Variants in MARK3 observed in about 807,000 individuals in gnomAD.
MARK3 encodes MAP/microtubule affinity-regulating kinase 3.
In MARK3, 46 loss-of-function variants were observed where a neutral mutation model predicts 90.1. The ratio of observed to expected loss-of-function variants is 0.51; its 90% CI spans 0.40 to 0.65. MARK3 has a LOEUF of 0.65. Ranked by LOEUF, MARK3 falls within the 30% of genes least tolerant of loss-of-function variation. MARK3 has a pLI of 0.00. For synonymous variants in MARK3, 321 were observed against 332.6 expected (o/e 0.97, Z 0.38); for missense variants, 818 against 947.2 (o/e 0.86, Z 1.79).
At chr14:103,399,655 C>T (rs926375765) in intron 1 of MARK3, among the ~76,000 whole-genome samples, 4 of 145,970 alleles carry the variant, frequency 2.7e-5, no homozygotes, top group South Asian at 4.4e-4. Flanking sequence ...ATCGAGATGG[C>T]GCCACTGCAC....
chr14:103,501,629 C>G (rs1203736248), intron 17 of MARK3, among the ~76,000 whole-genome samples: 2 of 152,088 alleles, frequency 1.3e-5, no homozygotes, highest in African/African-American at 2.4e-5. Context: ...CACCCCCACC[C>G]GTGCTGTTTC....
intron 6 of MARK3, among the ~76,000 whole-genome samples, chr14:103,462,163 A>G (rs1046512397): frequency 1.3e-5 from 2 of 152,188 alleles, no homozygotes; most frequent in Admixed American, 6.5e-5. Context: ...ATAGGGTCCA[A>G]AAAGAGACTT....
intron 6 of MARK3, among the ~76,000 whole-genome samples, chr14:103,459,595 G>A (rs1231326117): frequency 6.6e-6 from 1 of 151,990 alleles, no homozygotes; most frequent in African/African-American, 2.4e-5. Context: ...CGCCTCCCAG[G>A]TTCAAGCAAT....
chr14:103,412,329 C>T, intron 2 of MARK3: 1 of 629,674 alleles, frequency 1.6e-6, no homozygotes, highest in Non-Finnish European at 2.8e-6. Flanking sequence ...GCCTCATCCA[C>T]TTTGGCCACC....
intron 17 of MARK3, among the ~76,000 whole-genome samples, chr14:103,502,404 C>G (rs1455930004): frequency 6.6e-6 from 1 of 152,236 alleles, no homozygotes; most frequent in Non-Finnish European, 1.5e-5. Flanking sequence ...CAATTTTAGA[C>G]TGCGGATGTT....
intron 2 of MARK3, among the ~76,000 whole-genome samples, chr14:103,408,401 C>G (rs2091441090): frequency 6.6e-6 from 1 of 152,146 alleles, no homozygotes; most frequent in Non-Finnish European, 1.5e-5. Flanking sequence ...GTTGGCCAGG[C>G]TGGTCTCGAA....
At chr14:103,486,204 C>T (rs983968931) in intron 14 of MARK3, among the ~76,000 whole-genome samples, 5 of 152,146 alleles carry the variant, frequency 3.3e-5, no homozygotes, top group African/African-American at 9.6e-5. Flanking sequence ...TTTGGGAGGC[C>T]GAGGCAAGTG....
intron 1 of MARK3, among the ~76,000 whole-genome samples, chr14:103,392,819 T>TA (rs398044064): frequency 5.1e-4 from 78 of 151,476 alleles, no homozygotes; most frequent in Admixed American, 1.8e-3. Flanking sequence ...TTTTTTTTTT[T>TA]AAATTTCCTG....
chr14:103,474,716 A>G (rs1490039015), intron 12 of MARK3, among the ~76,000 whole-genome samples: 1 of 152,184 alleles, frequency 6.6e-6, no homozygotes, highest in East Asian at 1.9e-4. Flanking sequence ...TCTATGCAGT[A>G]CCACCACCTT....
chr14:103,481,757 CTTTTTTTTTTTTTTTTTT>C (rs71126030), intron 14 of MARK3, among the ~76,000 whole-genome samples: 1 of 49,778 alleles, frequency 2.0e-5, no homozygotes, highest in East Asian at 7.5e-4. Flanking sequence ...ATAGGTATTT[CTTTTTTTTTTTTTTTTTT>C]TTTTTTTTTG....
At chr14:103,453,741 C>T (rs2093209398) in intron 5 of MARK3, among the ~76,000 whole-genome samples, 1 of 152,230 alleles carries the variant, frequency 6.6e-6, no homozygotes, top group Non-Finnish European at 1.5e-5. Context: ...TCATAGCCCT[C>T]ACGTTGTACA....
At chr14:103,459,907 C>T (rs74831855) in intron 6 of MARK3, among the ~76,000 whole-genome samples, 9,022 of 151,548 alleles carry the variant, frequency 0.06, 414 homozygotes, top group African/African-American at 0.12. Flanking sequence ...GAAGGTATGC[C>T]ACACACAAAG....
chr14:103,480,529 C>A, intron 14 of MARK3, 39 bp downstream of exon 14: 1 of 1,300,120 alleles, frequency 7.7e-7, no homozygotes, highest in Non-Finnish European at 1.1e-6. Flanking sequence ...AGTTGTTTTT[C>A]CCAAGAGAAA....
At chr14:103,454,917 C>T (rs879563024) in intron 5 of MARK3, among the ~76,000 whole-genome samples, 2 of 152,126 alleles carry the variant, frequency 1.3e-5, no homozygotes, top group Non-Finnish European at 2.9e-5. Flanking sequence ...GGCAGGAGAG[C>T]CACTCTTTGC....
chr14:103,460,073 C>CTTTTTTTTTTGTTTTT (rs2093365224), intron 6 of MARK3, among the ~76,000 whole-genome samples: 1 of 41,704 alleles, frequency 2.4e-5, no homozygotes, highest in Non-Finnish European at 3.9e-5. Flanking sequence ...CCAGCTCCAT[C>CTTTTTTTTTTGTTTTT]TTTTTTTTTT....
chr14:103,484,632 A>G (rs1347767620), intron 14 of MARK3, among the ~76,000 whole-genome samples: 3 of 152,248 alleles, frequency 2.0e-5, no homozygotes. Flanking sequence ...TGGACTACAT[A>G]TAAAAGTTGC....
rs71126026 is a variant in MARK3 at position 103,452,471 on chromosome 14, C to CTTTTTT, written c.412+501_412+506dup. 4.6e-3 allele frequency among the ~76,000 whole-genome samples: 447 copies of CTTTTTT among 97,458 alleles called. 61 individuals carry two copies. Among genetic ancestry groups the CTTTTTT allele is most frequent in the Non-Finnish European group, 7.3e-3 (326 of 44,448 alleles). The allele number at this position is 97,458 out of a possible 152,430, so 63.9% of individuals were successfully genotyped here. ...ACAAGTGGAATTTTACAGGATTTGT[C>CTTTTTT]TTTTTTTTTTTTTTTTTTGAGACGG... is the stretch of plus-strand genomic sequence containing the variant. On this transcript the variant is annotated intron_variant, in intron 5 of 17. Coordinates refer to ENST00000429436, the MANE Select transcript of MARK3 (RefSeq NM_001128918.3).
intron 6 of MARK3, among the ~76,000 whole-genome samples, chr14:103,461,774 C>T (rs1045689658): frequency 3.3e-5 from 5 of 152,092 alleles, no homozygotes; most frequent in Non-Finnish European, 7.4e-5. Flanking sequence ...CAGTGGCTCA[C>T]ACCTGTAATC....
chr14:103,461,670 C>A (rs906240771), intron 6 of MARK3, among the ~76,000 whole-genome samples: 2 of 152,146 alleles, frequency 1.3e-5, no homozygotes, highest in Non-Finnish European at 2.9e-5. Context: ...AGAGAGCCAA[C>A]CTGGATTAAC....
Sources: allele counts gnomAD v4.1 joint callset (sites outside exome capture counted in the v4.1 genomes callset), GRCh38; gene constraint gnomAD v4.1.1; transcripts MANE v1.5; gene names NCBI Gene and HGNC (gene_info 2026-07-23, HGNC 2026-07-21).